PALD1: variants seen among roughly 807,000 people sequenced by gnomAD.
PALD1 encodes paladin.
In PALD1, 57 loss-of-function variants were observed where a neutral mutation model predicts 96.0. The ratio of observed to expected loss-of-function variants is 0.59; its 90% CI spans 0.48 to 0.74. PALD1 has a LOEUF of 0.74. Ranked by LOEUF, PALD1 falls within the 30% of genes least tolerant of loss-of-function variation. PALD1 has a pLI of 0.00. For missense variants in PALD1, 1,063 were observed against 1,143.7 expected, an observed-to-expected ratio of 0.93 and a Z score of 1.02; for synonymous variants, 464 against 473.6, an observed-to-expected ratio of 0.98 and a Z score of 0.26.
chr10:70,512,399 G>C (rs886745515), intron 1 of PALD1, among the ~76,000 whole-genome samples: 1 of 152,392 alleles, frequency 6.6e-6, no homozygotes, highest in Admixed American at 6.5e-5. Flanking sequence ...CATCAGTCCT[G>C]CCTTGGGACC....
intron 1 of PALD1, among the ~76,000 whole-genome samples, chr10:70,501,039 A>G (rs1247376874): frequency 6.6e-6 from 1 of 152,050 alleles, no homozygotes; most frequent in Non-Finnish European, 1.5e-5. Flanking sequence ...CCTGTCTTTC[A>G]TCCGGCAAGG....
chr10:70,548,644 G>T (rs2132417266), intron 18 of PALD1, among the ~76,000 whole-genome samples: 2 of 152,342 alleles, frequency 1.3e-5, no homozygotes, highest in Middle Eastern at 6.8e-3. Context: ...TACCAGCCAT[G>T]TGTTCCCCAC....
chr10:70,547,454 C>T lies in PALD1; in HGVS notation c.2262+8C>T, dbSNP rs768863469. 6.9e-7 allele frequency: 1 copy of T among 1,455,742 alleles called. No homozygotes were observed. The highest frequency in any genetic ancestry group is 1.4e-5 in the African/African-American group (1 of 71,682). 90.2% of individuals were successfully genotyped at this position (1,455,742 alleles called of 1,614,324 possible). A position where few individuals can be genotyped will look rare whatever the true frequency, so the allele number is the denominator to read the frequency against. On this transcript the variant is annotated splice_region_variant and intron_variant, in intron 18 of 19. Transcript: ENST00000263563. ...ATCTGCACCTACCGCCAGGTGAGCC[C>T]CCACCCCACCCCACCCCACCCTGCC...
chr10:70,476,056 G>A (rs186852045), upstream of PALD1, among the ~76,000 whole-genome samples: 412 of 152,356 alleles, frequency 2.7e-3, 1 homozygote, highest in Admixed American at 4.5e-3. Context: ...TTGGACGTTT[G>A]TGTGTGGGGG....
chr10:70,500,550 C>T (rs1189657970), intron 1 of PALD1, among the ~76,000 whole-genome samples: 7 of 152,206 alleles, frequency 4.6e-5, no homozygotes, highest in African/African-American at 1.4e-4. Context: ...CTCCCCCTTC[C>T]GGTCTATCAA....
At chr10:70,502,818 C>T (rs1051904306) in intron 1 of PALD1, among the ~76,000 whole-genome samples, 5 of 152,196 alleles carry the variant, frequency 3.3e-5, no homozygotes, top group African/African-American at 4.8e-5. Flanking sequence ...GGTTCACCTC[C>T]GATGTGATGA....
At chr10:70,535,626 C>A (rs879859717) in intron 10 of PALD1, among the ~76,000 whole-genome samples, 2 of 147,644 alleles carry the variant, frequency 1.4e-5, no homozygotes, top group Non-Finnish European at 3.0e-5. Flanking sequence ...TCTCCTCCTT[C>A]TTCTCGTCTT....
intron 1 of PALD1, among the ~76,000 whole-genome samples, chr10:70,489,037 T>C (rs1846058993): frequency 6.6e-6 from 1 of 152,132 alleles, no homozygotes; most frequent in Non-Finnish European, 1.5e-5. Context: ...CTCTCTGAAG[T>C]GTCACTGGAA....
chr10:70,487,130 A>AT (rs10669002), intron 1 of PALD1, among the ~76,000 whole-genome samples: 21,354 of 109,800 alleles, frequency 0.19, 2,797 homozygotes, highest in East Asian at 0.32. Flanking sequence ...TCTGAGCCCA[A>AT]TTTTTTTTTT....
chr10:70,492,189 G>A (rs1336696095), intron 1 of PALD1, among the ~76,000 whole-genome samples: 3 of 152,150 alleles, frequency 2.0e-5, no homozygotes, highest in African/African-American at 4.8e-5. Flanking sequence ...ATTAGACAGC[G>A]GTGATGGTTG....
At position 70,516,477 on chromosome 10, in the gene PALD1, T is replaced by C. The variant is rs542195751; in HGVS notation, c.-29-9446T>C. On this transcript the variant is annotated intron_variant, in intron 1 of 19. Coordinates refer to ENST00000263563, the MANE Select transcript of PALD1 (RefSeq NM_014431.3). ...ACAGATGAATGAGTGAACTTAGTTT[T>C]AATAACATATATTATTTAACTCAGT... is the stretch of plus-strand genomic sequence containing the variant. 2.6e-5 allele frequency among the ~76,000 whole-genome samples: 4 copies of C among 152,374 alleles called. No homozygotes were observed. In the South Asian group the frequency reaches 8.3e-4, roughly 32 times the overall value.
intron 1 of PALD1, among the ~76,000 whole-genome samples, chr10:70,507,549 G>A (rs1846415423): frequency 6.6e-6 from 1 of 152,194 alleles, no homozygotes; most frequent in Non-Finnish European, 1.5e-5. Context: ...AGCCTCCCAA[G>A]TAGCTGGGAC....
the PALD1 span, among the ~76,000 whole-genome samples, chr10:70,466,419 A>G: frequency 4.6e-5 from 7 of 151,866 alleles, no homozygotes; most frequent in Admixed American, 6.6e-5. Context: ...TAATTTTTGT[A>G]TTTTTAGTAG....
chr10:70,540,998 TG>T lies in PALD1; in HGVS notation c.1909-102del. 7.7e-7 allele frequency: 1 copy of T among 1,295,404 alleles called. No individual in the cohort carries two copies. The highest frequency in any genetic ancestry group is 1.1e-6 in the Non-Finnish European group (1 of 943,434). The allele number at this position is 1,295,404 out of a possible 1,614,324, so 80.2% of individuals were successfully genotyped here. On this transcript the variant is annotated intron_variant, in intron 15 of 19. Coordinates refer to ENST00000263563, the MANE Select transcript of PALD1 (RefSeq NM_014431.3). The surrounding 1 kb of genome is among the most constrained non-coding windows in gnomAD (Gnocchi z 4.2). ...GCAAGCTTGGGAGCCTGACAATTTC[TG>T]GCCCGAGGACAGTGGCTGGGGCTGC...
At chr10:70,534,123 G>T in intron 8 of PALD1, 50 bp downstream of exon 8, 1 of 1,494,776 alleles carries the variant, frequency 6.7e-7, no homozygotes, top group Non-Finnish European at 9.0e-7. Flanking sequence ...GCCGAGGAGG[G>T]GACAGGCTGC....
chr10:70,547,476 T>G, intron 18 of PALD1, 30 bp downstream of exon 18: 1 of 757,620 alleles, frequency 1.3e-6, no homozygotes, highest in Non-Finnish European at 1.7e-6. Context: ...CACCCCACCC[T>G]GCCCCAGCCA....
At chr10:70,561,448 G>A (rs1476320955) in intron 18 of PALD1, among the ~76,000 whole-genome samples, 1 of 152,242 alleles carries the variant, frequency 6.6e-6, no homozygotes, top group African/African-American at 2.4e-5. Context: ...GGGTGGGGTG[G>A]AGAGCGGCCA....
Position 70,539,888 on chromosome 10 carries a change from C to T in PALD1, c.1908+126C>T, listed in dbSNP as rs969716701. On this transcript the variant is annotated intron_variant, in intron 15 of 19. Transcript: ENST00000263563. This position sits in a 1 kb window ranked among gnomAD's most constrained non-coding sequence, Gnocchi z 4.5. ...TCTACGGGGCCCGGGAATGGTCTCA[C>T]GAGGTTTTCCGATTTGGCCCAAGTG... 8 of 754,250 alleles carry T rather than the reference C, an allele frequency of 1.1e-5. No homozygotes were observed. Among genetic ancestry groups the T allele is most frequent in the Admixed American group, 6.0e-5 (2 of 33,334 alleles). The allele number at this position is 754,250 out of a possible 1,614,324, so 46.7% of individuals were successfully genotyped here. A position where few individuals can be genotyped will look rare whatever the true frequency, so the allele number is the denominator to read the frequency against.
rs1415624354 is a variant in PALD1 at position 70,567,420 on chromosome 10, C to G, written c.*687C>G. On this transcript the variant is annotated 3_prime_UTR_variant, in exon 20 of 20. Coordinates refer to ENST00000263563, the MANE Select transcript of PALD1 (RefSeq NM_014431.3). Reference sequence around the variant, plus strand: ...AGGAGCTGGAGACTTCAGGGAGCCCCTCTCATGGGGAGGAAAGAGCTTCCA... The same window carrying G: ...AGGAGCTGGAGACTTCAGGGAGCCCGTCTCATGGGGAGGAAAGAGCTTCCA... 1 of 152,826 alleles carries G rather than the reference C, an allele frequency of 6.5e-6. No homozygotes were observed. Among genetic ancestry groups the G allele is most frequent in the African/African-American group, 2.4e-5 (1 of 41,466 alleles). The allele number at this position is 152,826 out of a possible 1,614,324, so 9.5% of individuals were successfully genotyped here.
Sources: allele counts gnomAD v4.1 joint callset (sites outside exome capture counted in the v4.1 genomes callset), GRCh38; gene constraint gnomAD v4.1.1; non-coding constraint Gnocchi (gnomAD v3.1); transcripts MANE v1.5; gene names NCBI Gene and HGNC (gene_info 2026-07-23, HGNC 2026-07-21).